VPS33A: variants seen among roughly 807,000 people sequenced by gnomAD.
The protein encoded by VPS33A is vacuolar protein sorting-associated protein 33A.
In VPS33A, 32 loss-of-function variants were observed where a neutral mutation model predicts 71.8. The observed-to-expected ratio is 0.45, with a 90% CI of 0.34 to 0.60. The LOEUF (loss-of-function observed/expected upper bound fraction) is 0.60. Ranked by LOEUF, VPS33A falls within the 20% of genes least tolerant of loss-of-function variation. The pLI, the probability that VPS33A is intolerant of heterozygous loss-of-function variation, is 0.02. For synonymous variants in VPS33A, 311 were observed against 292.7 expected, an observed-to-expected ratio of 1.06 and a Z score of -0.64; for missense variants, 625 against 748.5, an observed-to-expected ratio of 0.84 and a Z score of 1.92.
chr12:122,243,384 G>T (rs545940905), intron 7 of VPS33A, among the ~76,000 whole-genome samples: 1 of 151,088 alleles, frequency 6.6e-6, no homozygotes, highest in South Asian at 2.1e-4. Context: ...ACAGGCACAC[G>T]CCACTGCCCA....
rs774209607 is a variant in VPS33A, at chr12:122,238,772, C to T, written c.1165-48G>A. On this transcript the variant is annotated intron_variant, in intron 9 of 12. Transcript: ENST00000267199. Reference sequence around the variant, plus strand: ...ATACATATACATTTACATATACATACACACACACACACACACACACACACA... The same window carrying T: ...ATACATATACATTTACATATACATATACACACACACACACACACACACACA... 9.3e-4 allele frequency: 211 copies of T among 227,438 alleles called. 1 individual carries two copies. Among genetic ancestry groups the T allele is most frequent in the East Asian group, 3.1e-3 (7 of 2,246 alleles). 14.1% of individuals were successfully genotyped at this position (227,438 alleles called of 1,614,324 possible). A position where few individuals can be genotyped will look rare whatever the true frequency, so the allele number is the denominator to read the frequency against.
chr12:122,242,267 T>C, intron 8 of VPS33A, 115 bp downstream of exon 8: 1 of 1,271,994 alleles, frequency 7.9e-7, no homozygotes, highest in Admixed American at 1.9e-5. Flanking sequence ...GAACACGTGG[T>C]ATTAAGACAG....
rs556251997 is a variant in VPS33A, at chr12:122,235,830, T to C, written c.1396A>G (p.Ile466Val). ...QTGGRNNYPTIRKTLRLWMDD... is the reference protein window; with the variant it reads ...QTGGRNNYPTVRKTLRLWMDD... ...ATCCAGAGGCGTAATGTTTTCCGTA[T>C]AGTTGGGTAATTGTTTCTGCCCCCC... Residue 466 changes from isoleucine (I) to valine (V), a missense_variant, in exon 11 of 13, where the codon ATA becomes GTA. By Grantham distance (29) the Ile-to-Val change is conservative. Coordinates refer to ENST00000267199, the MANE Select transcript of VPS33A (RefSeq NM_022916.6). 1 of 1,613,904 alleles carries C rather than the reference T, an allele frequency of 6.2e-7. No homozygotes were observed. Among genetic ancestry groups the C allele is most frequent in the South Asian group, 1.1e-5 (1 of 91,014 alleles).
rs777247251 is a variant in VPS33A, at chr12:122,231,240, A to G, written c.*1006T>C. 5.9e-5 allele frequency: 9 copies of G among 152,204 alleles called. No homozygotes were observed. Among genetic ancestry groups the G allele is most frequent in the Non-Finnish European group, 7.3e-5 (5 of 68,060 alleles). The allele number at this position is 152,204 out of a possible 1,614,324, so 9.4% of individuals were successfully genotyped here. On this transcript the variant is annotated 3_prime_UTR_variant, in exon 13 of 13. Coordinates refer to ENST00000267199, the MANE Select transcript of VPS33A (RefSeq NM_022916.6). ...TGAATTCTCAGAAGGTTGCTCCCCA[A>G]TTATCACATTCTTCCATGTCAAAAG...
intron 7 of VPS33A, among the ~76,000 whole-genome samples, chr12:122,243,296 A>AG (rs1954738231): frequency 6.6e-6 from 1 of 152,074 alleles, no homozygotes; most frequent in Non-Finnish European, 1.5e-5. Context: ...CCCAGGCTGG[A>AG]GTGCAGTGGT....
At chr12:122,255,731 A>AAAAAAAAC (rs1954908647) in intron 4 of VPS33A, among the ~76,000 whole-genome samples, 1 of 151,288 alleles carries the variant, frequency 6.6e-6, no homozygotes, top group African/African-American at 2.4e-5. Flanking sequence ...AAAAAAAAAA[A>AAAAAAAAC]AGCCAAGAAA....
chr12:122,257,848 T>C, intron 4 of VPS33A, among the ~76,000 whole-genome samples: 1 of 152,082 alleles, frequency 6.6e-6, no homozygotes, highest in Admixed American at 6.5e-5. Context: ...AGTACTGGCA[T>C]AAGGACGGAC....
At chr12:122,247,331 C>A (rs1020422113) in intron 6 of VPS33A, among the ~76,000 whole-genome samples, 4 of 152,020 alleles carry the variant, frequency 2.6e-5, no homozygotes, top group Admixed American at 2.0e-4. Context: ...CCTCTCCCCC[C>A]ACCATTCCCC....
At chr12:122,235,701 G>A in intron 11 of VPS33A, 85 bp downstream of exon 11, 1 of 1,466,168 alleles carries the variant, frequency 6.8e-7, no homozygotes, top group South Asian at 1.4e-5. Context: ...AAGCAAGGCA[G>A]ATGTGTAGGT....
In VPS33A at chr12:122,242,519, CA is replaced by C; in HGVS notation, c.970-12del. On this transcript the variant is annotated splice_polypyrimidine_tract_variant and intron_variant, in intron 7 of 12. Coordinates refer to ENST00000267199, the MANE Select transcript of VPS33A (RefSeq NM_022916.6). ...AGCATTGTGTCTTTCCTGAAATAAACAAGAGAGCAGTGCCTCAAGCAGGGAA... is the reference window on the plus strand; with the variant it reads ...AGCATTGTGTCTTTCCTGAAATAAACAGAGAGCAGTGCCTCAAGCAGGGAA... The C allele has an allele frequency of 6.2e-7, 1 of 1,602,494 alleles. No homozygotes were observed. The highest frequency in any genetic ancestry group is 8.5e-7 in the Non-Finnish European group (1 of 1,170,908).
chr12:122,238,192 T>C (rs1474320837), intron 10 of VPS33A, among the ~76,000 whole-genome samples: 1 of 152,150 alleles, frequency 6.6e-6, no homozygotes, highest in Non-Finnish European at 1.5e-5. Context: ...ATGGCAGCTT[T>C]GTAATTTTTA....
chr12:122,250,288 C>T (rs1031117620), intron 5 of VPS33A: 1 of 452,486 alleles, frequency 2.2e-6, no homozygotes. Flanking sequence ...TTGTGATTCG[C>T]AGTAGTTATG....
chr12:122,256,155 T>C (rs1462791868), intron 4 of VPS33A, among the ~76,000 whole-genome samples: 1 of 152,114 alleles, frequency 6.6e-6, no homozygotes, highest in African/African-American at 2.4e-5. Context: ...GTCAACAAAT[T>C]AACTCTTTTA....
Position 122,257,917 on chromosome 12 carries a change from T to C in VPS33A, c.483+3344A>G, listed in dbSNP as rs372069724. Among the ~76,000 whole-genome samples, 5 of 152,212 alleles carry C rather than the reference T, an allele frequency of 3.3e-5. No homozygotes were observed. In the South Asian group the frequency reaches 8.3e-4, roughly 25 times the overall value. Reference sequence around the variant, plus strand: ...AAGACCAAAAACAGACCCTTACATTTGTGGACAATTGATTTTTGACAAGGG... The same window carrying C: ...AAGACCAAAAACAGACCCTTACATTCGTGGACAATTGATTTTTGACAAGGG... On this transcript the variant is annotated intron_variant, in intron 4 of 12. Transcript: ENST00000267199.
intron 12 of VPS33A, 122 bp from the exon 13 acceptor site, chr12:122,232,549 A>T (rs1329698766): frequency 8.7e-7 from 1 of 1,154,076 alleles, no homozygotes; most frequent in Admixed American, 2.9e-5. Flanking sequence ...GTTCATCTGA[A>T]ACCTAAGAAT....
At chr12:122,261,571 T>G in intron 3 of VPS33A, 124 bp from the exon 4 acceptor site, 1 of 909,690 alleles carries the variant, frequency 1.1e-6, no homozygotes, top group Non-Finnish European at 1.7e-6. Context: ...ATAAATCATA[T>G]AAATACTGAC....
Position 122,263,688 on chromosome 12 carries a change from C to T in VPS33A, c.180G>A (p.Val60=). The change falls in exon 3 of 13, where the codon GTG becomes GTA. Residue 60 remains valine (V), a synonymous_variant. Coordinates refer to ENST00000267199, the MANE Select transcript of VPS33A (RefSeq NM_022916.6). ...AQYSLLKEHE[V]EKMFTLKGNR... ...TTCCTTTAAGTGTGAACATTTTTTC[C>T]ACTTCATGTTCCTAGGCAAACACAT... 3 of 1,609,662 alleles carry T rather than the reference C, an allele frequency of 1.9e-6. No individual in the cohort carries two copies. The highest frequency in any genetic ancestry group is 2.5e-6 in the Non-Finnish European group (3 of 1,177,028).
chr12:122,250,799 A>C (rs1954832984), intron 5 of VPS33A, among the ~76,000 whole-genome samples, 184 bp downstream of exon 5: 1 of 152,222 alleles, frequency 6.6e-6, no homozygotes, highest in Non-Finnish European at 1.5e-5. Context: ...GCACGCCGAC[A>C]AAAGCACCAT....
At chr12:122,255,010 C>A (rs1294162302) in intron 4 of VPS33A, among the ~76,000 whole-genome samples, 2 of 149,558 alleles carry the variant, frequency 1.3e-5, no homozygotes, top group African/African-American at 4.9e-5. Flanking sequence ...GAGATGGCAC[C>A]AACGCACTCC....
Sources: gnomAD v4.1 joint callset for allele counts (sites outside exome capture counted in the v4.1 genomes callset) on GRCh38, gnomAD v4.1.1 for gene constraint, MANE v1.5 for transcripts, NCBI Gene and HGNC (gene_info 2026-07-23, HGNC 2026-07-21) for gene names.